Variants in EYS observed in about 807,000 individuals in gnomAD.
EYS encodes the protein EGF-like photoreceptor maintenance factor, also known as protein eyes shut homolog.
Under a neutral mutation model 282.1 loss-of-function variants are expected in EYS, and 250 were observed. The observed-to-expected ratio is 0.89, with a 90% CI of 0.80 to 0.98. The LOEUF (loss-of-function observed/expected upper bound fraction) is 0.98, where lower values mean the gene tolerates loss of function less well. Ranked by LOEUF, EYS falls within the 50% of genes least tolerant of loss-of-function variation. The pLI is 0.00. For missense variants in EYS, 4,016 were observed against 3,709.0 expected, an observed-to-expected ratio of 1.08 and a Z score of -2.15; for synonymous variants, 1,355 against 1,282.9, an observed-to-expected ratio of 1.06 and a Z score of -1.20.
intron 28 of EYS, among the ~76,000 whole-genome samples, chr6:64,419,398 C>T (rs1461225602): frequency 2.6e-5 from 4 of 152,132 alleles, no homozygotes; most frequent in Admixed American, 6.6e-5. Context: ...CCTCCCAAAT[C>T]TCATGTCCTC....
chr6:64,306,867 C>A, intron 30 of EYS, 103 bp downstream of exon 30: 3 of 660,630 alleles, frequency 4.5e-6, no homozygotes, highest in East Asian at 2.9e-5. Flanking sequence ...AACAAAGAAA[C>A]GAAATATAGT....
chr6:63,766,812 T>C (rs1306289246), intron 40 of EYS, among the ~76,000 whole-genome samples: 1 of 151,930 alleles, frequency 6.6e-6, no homozygotes, highest in Admixed American at 6.6e-5. Context: ...GTTGGGACCA[T>C]GAAAGAGTAT....
At chr6:64,011,151 A>G (rs1023111868) in intron 33 of EYS, among the ~76,000 whole-genome samples, 5 of 152,000 alleles carry the variant, frequency 3.3e-5, no homozygotes, top group Non-Finnish European at 7.4e-5. Flanking sequence ...GCTGCTTTGC[A>G]TATTTGTCTA....
rs116704603 is a variant in EYS, at chr6:64,984,136, A to G, written c.2259+13446T>C. ...TTTTGAAAAATGATTCAAACTTAAA[A>G]CATTGTAGACCAACTAATGAAAGGC... On this transcript the variant is annotated intron_variant, in intron 14 of 42. Transcript: ENST00000503581. Among the ~76,000 whole-genome samples the G allele has an allele frequency of 1.7e-3, 257 of 151,538 alleles. 1 individual carries two copies. Among genetic ancestry groups the G allele is most frequent in the African/African-American group, 6.1e-3 (251 of 41,474 alleles).
chr6:64,603,322 A>G lies in EYS; in HGVS notation c.3685-10013T>C, dbSNP rs888013073. Among the ~76,000 whole-genome samples the G allele has an allele frequency of 3.3e-5, 5 of 151,044 alleles. No homozygotes were observed. The East Asian group carries it at 9.7e-4, about 29-fold the overall frequency. Reference sequence around the variant, plus strand: ...CTGCTCCTCTTCCTTTTTCTTCTTCATTTCAAGAGCATAATCCCACAGAGA... The same window carrying G: ...CTGCTCCTCTTCCTTTTTCTTCTTCGTTTCAAGAGCATAATCCCACAGAGA... On this transcript the variant is annotated intron_variant, in intron 24 of 42. Transcript: ENST00000503581.
intron 12 of EYS, among the ~76,000 whole-genome samples, chr6:65,285,215 T>A (rs1362768712): frequency 6.6e-6 from 1 of 152,084 alleles, no homozygotes; most frequent in Non-Finnish European, 1.5e-5. Flanking sequence ...CTACATTTTG[T>A]GGCCTAATTA....
At chr6:64,445,626 A>T (rs1775095468) in intron 26 of EYS, among the ~76,000 whole-genome samples, 1 of 152,212 alleles carries the variant, frequency 6.6e-6, no homozygotes, top group Non-Finnish European at 1.5e-5. Flanking sequence ...TTCTCATAAA[A>T]TACCTAGATT....
chr6:64,442,101 A>T (rs1197632975), intron 26 of EYS, among the ~76,000 whole-genome samples: 1 of 152,198 alleles, frequency 6.6e-6, no homozygotes, highest in Non-Finnish European at 1.5e-5. Flanking sequence ...GCTTTGACCA[A>T]AATGCTGATA....
intron 21 of EYS, among the ~76,000 whole-genome samples, chr6:64,819,251 A>T: frequency 6.6e-6 from 1 of 152,320 alleles, no homozygotes; most frequent in Non-Finnish European, 1.5e-5. Flanking sequence ...AATGATTATT[A>T]TATCTCAATT....
chr6:64,961,103 A>C (rs1344378948), intron 14 of EYS, among the ~76,000 whole-genome samples: 1 of 152,186 alleles, frequency 6.6e-6, no homozygotes, highest in Non-Finnish European at 1.5e-5. Flanking sequence ...GAATAGTACC[A>C]GAGTGAATAT....
chr6:64,161,828 A>G (rs1300563828), intron 31 of EYS, among the ~76,000 whole-genome samples: 1 of 152,190 alleles, frequency 6.6e-6, no homozygotes, highest in Non-Finnish European at 1.5e-5. Context: ...TAAGATATTG[A>G]TATTATTCAA....
intron 15 of EYS, among the ~76,000 whole-genome samples, chr6:64,918,539 T>C (rs1409447198): frequency 1.3e-5 from 2 of 152,176 alleles, no homozygotes; most frequent in African/African-American, 4.8e-5. Flanking sequence ...CTTGGAAGCA[T>C]GAAGATCATT....
At chr6:63,816,799 C>G (rs945918525) in intron 36 of EYS, among the ~76,000 whole-genome samples, 1 of 152,186 alleles carries the variant, frequency 6.6e-6, no homozygotes, top group Non-Finnish European at 1.5e-5. Context: ...CTGAAACAAA[C>G]GTAATACCCA....
chr6:64,223,253 T>C (rs567963435), intron 31 of EYS, among the ~76,000 whole-genome samples: 67 of 152,166 alleles, frequency 4.4e-4, no homozygotes, highest in African/African-American at 1.6e-3. Flanking sequence ...GAAATTATAA[T>C]GATATTTTCT....
At chr6:65,371,520 G>T (rs1040348834) in intron 8 of EYS, among the ~76,000 whole-genome samples, 31 of 149,886 alleles carry the variant, frequency 2.1e-4, no homozygotes, top group African/African-American at 7.3e-4. Flanking sequence ...GGGTGTAAAT[G>T]CTCACAAAAA....
At chr6:64,356,127 T>C (rs921400234) in intron 29 of EYS, among the ~76,000 whole-genome samples, 23 of 151,502 alleles carry the variant, frequency 1.5e-4, no homozygotes, top group African/African-American at 5.3e-4. Context: ...AAATTACATG[T>C]GGGGGGCTTG....
intron 26 of EYS, among the ~76,000 whole-genome samples, chr6:64,469,729 AGAG>A (rs1776048628): frequency 6.6e-6 from 1 of 151,962 alleles, no homozygotes; most frequent in Non-Finnish European, 1.5e-5. Context: ...GGGGGAGTTT[AGAG>A]AAGACTCTAC....
At chr6:65,561,740 G>A (rs1210572982) in intron 2 of EYS, among the ~76,000 whole-genome samples, 3 of 151,752 alleles carry the variant, frequency 2.0e-5, no homozygotes, top group Non-Finnish European at 2.9e-5. Context: ...AATACTTTTG[G>A]GGGTTAGAAA....
At chr6:64,524,973 G>A (rs80265257) in intron 26 of EYS, among the ~76,000 whole-genome samples, 7,792 of 151,824 alleles carry the variant, frequency 0.051, 672 homozygotes, top group African/African-American at 0.18. Flanking sequence ...AAACCACTAT[G>A]AGATATCGTC....
Sources: allele counts gnomAD v4.1 joint callset (sites outside exome capture counted in the v4.1 genomes callset), GRCh38; gene constraint gnomAD v4.1.1; transcripts MANE v1.5; gene names NCBI Gene and HGNC (gene_info 2026-07-23, HGNC 2026-07-21).